The following ANO4 variants were observed in gnomAD, a reference collection of about 807,000 sequenced individuals.
ANO4 encodes anoctamin 4, also known as anoctamin-4.
A neutral mutation model predicts 141.9 loss-of-function variants in ANO4; 69 were observed. The ratio of observed to expected loss-of-function variants is 0.49; its 90% CI spans 0.40 to 0.59. The LOEUF is 0.59. ANO4 is among the 20% of genes least tolerant of loss of function. The pLI is 0.00. For missense variants in ANO4, 894 were observed against 1,162.2 expected, an observed-to-expected ratio of 0.77 and a Z score of 3.36; for synonymous variants, 350 against 394.3, an observed-to-expected ratio of 0.89 and a Z score of 1.33.
At chr12:101,053,034 A>G (rs2047937918) in intron 14 of ANO4, among the ~76,000 whole-genome samples, 1 of 152,216 alleles carries the variant, frequency 6.6e-6, no homozygotes, top group Non-Finnish European at 1.5e-5. Context: ...AAGTGTGTCA[A>G]TTAAGATCTC....
At chr12:100,720,286 G>A (rs2030804721) in intron 1 of ANO4, among the ~76,000 whole-genome samples, 1 of 152,056 alleles carries the variant, frequency 6.6e-6, no homozygotes, top group Non-Finnish European at 1.5e-5. Context: ...AGCTGATAGA[G>A]CACAGTGATG....
chr12:100,997,426 C>T (rs1592966934), intron 8 of ANO4, among the ~76,000 whole-genome samples: 1 of 151,564 alleles, frequency 6.6e-6, no homozygotes, highest in Middle Eastern at 3.4e-3. Context: ...TTTTCAACTG[C>T]CTTACCCTAG....
intron 5 of ANO4, among the ~76,000 whole-genome samples, chr12:100,952,375 A>G (rs967461378): frequency 1.3e-5 from 2 of 152,328 alleles, no homozygotes; most frequent in African/African-American, 4.8e-5. Context: ...ATAAATTACA[A>G]TATGCTTAGG....
chr12:100,902,597 T>C (rs1184709590), intron 2 of ANO4, among the ~76,000 whole-genome samples: 1 of 152,232 alleles, frequency 6.6e-6, no homozygotes, highest in Non-Finnish European at 1.5e-5. Flanking sequence ...GATTCCTCTC[T>C]GTAATGTCCT....
chr12:100,720,299 T>A (rs2030805508), intron 1 of ANO4, among the ~76,000 whole-genome samples: 1 of 152,068 alleles, frequency 6.6e-6, no homozygotes, highest in East Asian at 1.9e-4. Flanking sequence ...CAGTGATGGC[T>A]GTTTCATATA....
chr12:100,953,566 C>T (rs565535558), intron 5 of ANO4, among the ~76,000 whole-genome samples: 21 of 152,280 alleles, frequency 1.4e-4, no homozygotes, highest in Non-Finnish European at 2.9e-4. Context: ...TTCATTCATT[C>T]ATTCATCAAA....
At chr12:100,940,196 G>GTT (rs780940950) in intron 4 of ANO4, among the ~76,000 whole-genome samples, 7 of 135,918 alleles carry the variant, frequency 5.2e-5, no homozygotes, top group South Asian at 2.3e-4. Context: ...TTCTTTTTCT[G>GTT]TTTTTTTTTT....
At chr12:100,827,893 C>T (rs1957396889) in intron 1 of ANO4, among the ~76,000 whole-genome samples, 1 of 151,872 alleles carries the variant, frequency 6.6e-6, no homozygotes. Context: ...TCATTATTCA[C>T]CCCCATTTCT....
chr12:101,120,503 T>C lies in ANO4; in HGVS notation c.2571-17T>C. The C allele has an allele frequency of 1.2e-6, 2 of 1,602,678 alleles. 1 individual carries two copies. The highest frequency in any genetic ancestry group is 2.2e-5 in the South Asian group (2 of 90,574). On this transcript the variant is annotated splice_polypyrimidine_tract_variant and intron_variant, in intron 25 of 27. Transcript: ENST00000392977. ...AAAATCATAGTTTGAATGCAACATT[T>C]TTCTGTGTCTTTATAGATACCGGGA...
chr12:100,792,365 T>G (rs980443129), upstream of ANO4, among the ~76,000 whole-genome samples: 3 of 152,224 alleles, frequency 2.0e-5, no homozygotes, highest in African/African-American at 7.2e-5. Flanking sequence ...TTTAGCCACA[T>G]TCTTTTGGCC....
At chr12:101,065,417 GA>G (rs1169780059) in intron 14 of ANO4, among the ~76,000 whole-genome samples, 3 of 151,998 alleles carry the variant, frequency 2.0e-5, no homozygotes, top group African/African-American at 4.8e-5. Flanking sequence ...AATCAGATAT[GA>G]AAAAGGAGAC....
chr12:100,981,920 G>A (rs11110617), intron 7 of ANO4, among the ~76,000 whole-genome samples: 27,710 of 152,026 alleles, frequency 0.18, 2,692 homozygotes, highest in African/African-American at 0.23. Context: ...GGGAACTGAG[G>A]GTCAAAGAGA....
chr12:101,011,734 G>T (rs1055395102), intron 8 of ANO4, among the ~76,000 whole-genome samples: 1 of 152,042 alleles, frequency 6.6e-6, no homozygotes, highest in Non-Finnish European at 1.5e-5. Context: ...TCACTCCAGG[G>T]TCAAAAAACC....
chr12:100,720,737 C>T (rs1002824219), intron 1 of ANO4, among the ~76,000 whole-genome samples: 3 of 152,014 alleles, frequency 2.0e-5, no homozygotes, highest in African/African-American at 7.3e-5. Flanking sequence ...TAGTGGGAGA[C>T]CTGTAAACTG....
chr12:101,043,880 C>T (rs1427020223), intron 13 of ANO4, among the ~76,000 whole-genome samples: 2 of 152,168 alleles, frequency 1.3e-5, no homozygotes, highest in South Asian at 2.1e-4. Flanking sequence ...GAGCACGGTG[C>T]TGGAGTCAGA....
At chr12:100,969,258 A>G (rs2043816979) in intron 5 of ANO4, among the ~76,000 whole-genome samples, 2 of 152,214 alleles carry the variant, frequency 1.3e-5, no homozygotes. Flanking sequence ...AACTATGAAT[A>G]ACAGAAATAT....
intron 14 of ANO4, among the ~76,000 whole-genome samples, chr12:101,071,572 A>T (rs966178480): frequency 1.3e-5 from 2 of 151,726 alleles, no homozygotes; most frequent in Non-Finnish European, 2.9e-5. Flanking sequence ...GCTGAAGAGG[A>T]GGGGGGATGG....
chr12:100,824,745 G>C (rs1350789383), intron 1 of ANO4, among the ~76,000 whole-genome samples: 1 of 152,016 alleles, frequency 6.6e-6, no homozygotes, highest in East Asian at 1.9e-4. Context: ...TGTTTACTTC[G>C]CAGAGGAAAT....
chr12:100,765,379 C>CTTTTTTT (rs71091461), intron 3 of ANO4, among the ~76,000 whole-genome samples: 5 of 125,400 alleles, frequency 4.0e-5, no homozygotes, highest in African/African-American at 9.3e-5. Context: ...TTCTTTCTTT[C>CTTTTTTT]TTTTTTTTTT....
Sources: gnomAD v4.1 joint callset for allele counts (sites outside exome capture counted in the v4.1 genomes callset) on GRCh38, gnomAD v4.1.1 for gene constraint, MANE v1.5 for transcripts, NCBI Gene and HGNC (gene_info 2026-07-23, HGNC 2026-07-21) for gene names.